Variants in PTPRD observed in about 807,000 individuals in gnomAD.
The protein encoded by PTPRD is protein tyrosine phosphatase receptor type D.
A neutral mutation model predicts 214.5 loss-of-function variants in PTPRD; 34 were observed. The observed-to-expected ratio is 0.16, with a 90% CI of 0.12 to 0.21. The LOEUF (loss-of-function observed/expected upper bound fraction) is 0.21, where lower values mean the gene tolerates loss of function less well. Ranked by LOEUF, PTPRD falls within the 10% of genes least tolerant of loss-of-function variation. The pLI is 1.00. For synonymous variants in PTPRD, 1,128 were observed against 845.7 expected (o/e 1.33, Z -5.79); for missense variants, 2,545 against 2,398.7 (o/e 1.06, Z -1.27).
chr9:9,390,521 A>C (rs1245871300), intron 9 of PTPRD, among the ~76,000 whole-genome samples: 1 of 152,202 alleles, frequency 6.6e-6, no homozygotes, highest in Admixed American at 6.5e-5. Flanking sequence ...ACAATAAAAG[A>C]TAAGAGAGTA....
intron 7 of PTPRD, among the ~76,000 whole-genome samples, chr9:9,636,633 T>C (rs1484260382): frequency 6.6e-6 from 1 of 152,190 alleles, no homozygotes; most frequent in Admixed American, 6.5e-5. Context: ...TATTTTGTGT[T>C]TGGGTATAGT....
At chr9:8,803,832 T>C (rs930639354) in intron 11 of PTPRD, among the ~76,000 whole-genome samples, 1 of 152,088 alleles carries the variant, frequency 6.6e-6, no homozygotes, top group Admixed American at 6.6e-5. Flanking sequence ...AAAAAGCCTA[T>C]TGCCAAAAAG....
intron 14 of PTPRD, among the ~76,000 whole-genome samples, chr9:8,605,964 G>A (rs539337036): frequency 6.6e-6 from 1 of 151,984 alleles, no homozygotes; most frequent in East Asian, 1.9e-4. Flanking sequence ...TATTTTTCGG[G>A]GAGCGGGGGT....
chr9:8,937,573 G>C (rs553916596), intron 11 of PTPRD, among the ~76,000 whole-genome samples: 4 of 152,212 alleles, frequency 2.6e-5, no homozygotes, highest in African/African-American at 9.6e-5. Context: ...CCCTCAGAGA[G>C]GCCCTATTCC....
chr9:9,734,183 T>C (rs1377024795), intron 7 of PTPRD, among the ~76,000 whole-genome samples: 2 of 152,166 alleles, frequency 1.3e-5, no homozygotes, highest in Non-Finnish European at 2.9e-5. Context: ...CTGCATTTGA[T>C]CTATTTTTAA....
At chr9:10,221,813 T>C (rs1261190393) in intron 3 of PTPRD, among the ~76,000 whole-genome samples, 2 of 151,958 alleles carry the variant, frequency 1.3e-5, no homozygotes, top group Non-Finnish European at 2.9e-5. Context: ...ACTTCTTACC[T>C]GCTATATCAT....
At chr9:9,810,437 T>A (rs1029675269) in intron 5 of PTPRD, among the ~76,000 whole-genome samples, 1 of 152,042 alleles carries the variant, frequency 6.6e-6, no homozygotes, top group Non-Finnish European at 1.5e-5. Flanking sequence ...TGACCATAGG[T>A]TGAATCCAAT....
intron 4 of PTPRD, among the ~76,000 whole-genome samples, chr9:9,941,825 T>C (rs2091532719): frequency 6.6e-6 from 1 of 152,148 alleles, no homozygotes; most frequent in Non-Finnish European, 1.5e-5. Flanking sequence ...ATTCATGTCA[T>C]TCATTCCAAG....
At chr9:10,227,793 T>C (rs1191421430) in intron 3 of PTPRD, among the ~76,000 whole-genome samples, 2 of 152,034 alleles carry the variant, frequency 1.3e-5, no homozygotes, top group East Asian at 1.9e-4. Flanking sequence ...CAACACTGAA[T>C]GAATGAGAGA....
chr9:9,614,712 A>G (rs984258413), intron 7 of PTPRD, among the ~76,000 whole-genome samples: 10 of 152,226 alleles, frequency 6.6e-5, no homozygotes, highest in Non-Finnish European at 1.5e-4. Context: ...TATTTAAATT[A>G]TGAACTAAAG....
intron 3 of PTPRD, among the ~76,000 whole-genome samples, chr9:10,126,277 G>T (rs972973428): frequency 6.6e-6 from 1 of 151,940 alleles, no homozygotes; most frequent in African/African-American, 2.4e-5. Flanking sequence ...TGGCATTTAC[G>T]TATTGTACCA....
At chr9:8,745,452 G>A (rs994326451) in intron 11 of PTPRD, among the ~76,000 whole-genome samples, 2 of 152,172 alleles carry the variant, frequency 1.3e-5, no homozygotes, top group Non-Finnish European at 2.9e-5. Flanking sequence ...CCTTAAAGGC[G>A]GGGTATAGGA....
chr9:9,115,830 C>G (rs758326465), intron 10 of PTPRD, among the ~76,000 whole-genome samples: 7 of 152,076 alleles, frequency 4.6e-5, no homozygotes, highest in Non-Finnish European at 7.4e-5. Flanking sequence ...ACTTAGGTGT[C>G]CATCAATAGT....
At chr9:10,488,302 G>C (rs955168033) in intron 2 of PTPRD, among the ~76,000 whole-genome samples, 1 of 149,130 alleles carries the variant, frequency 6.7e-6, no homozygotes, top group African/African-American at 2.5e-5. Flanking sequence ...GGGAGGCGGA[G>C]CTTGCAGTGA....
intron 10 of PTPRD, among the ~76,000 whole-genome samples, chr9:9,073,695 G>A (rs1442255456): frequency 1.3e-5 from 2 of 152,006 alleles, no homozygotes; most frequent in Non-Finnish European, 2.9e-5. Flanking sequence ...ATTAATTTTG[G>A]ACTTGTCAGC....
At chr9:9,835,687 T>C (rs1264750012) in intron 5 of PTPRD, among the ~76,000 whole-genome samples, 5 of 152,188 alleles carry the variant, frequency 3.3e-5, no homozygotes, top group South Asian at 2.1e-4. Context: ...ATTGTGACCA[T>C]ACCAAAGTAA....
chr9:9,577,510 G>A (rs2089288542), intron 7 of PTPRD, among the ~76,000 whole-genome samples: 2 of 152,108 alleles, frequency 1.3e-5, no homozygotes, highest in South Asian at 2.1e-4. Flanking sequence ...GCTGCAGTGA[G>A]CCGAGATTGT....
chr9:8,864,157 C>G (rs2098155283), intron 11 of PTPRD, among the ~76,000 whole-genome samples: 1 of 152,164 alleles, frequency 6.6e-6, no homozygotes, highest in Admixed American at 6.5e-5. Context: ...GTTTCTCTAT[C>G]TGTAGGATGT....
At chr9:8,908,460 A>T (rs1037037918) in intron 11 of PTPRD, among the ~76,000 whole-genome samples, 1 of 152,202 alleles carries the variant, frequency 6.6e-6, no homozygotes, top group Non-Finnish European at 1.5e-5. Context: ...ATACCCAAAT[A>T]TACAGAAATT....
Sources: allele counts gnomAD v4.1 joint callset (sites outside exome capture counted in the v4.1 genomes callset), GRCh38; gene constraint gnomAD v4.1.1; transcripts MANE v1.5; gene names NCBI Gene and HGNC (gene_info 2026-07-23, HGNC 2026-07-21).